The following NELL1 variants were observed in gnomAD, a reference collection of about 807,000 sequenced individuals.
NELL1 encodes the protein protein kinase C-binding protein NELL1.
A neutral mutation model predicts 107.4 loss-of-function variants in NELL1; 76 were observed. The observed-to-expected ratio is 0.71, with a 90% confidence interval of 0.59 to 0.86. The LOEUF (loss-of-function observed/expected upper bound fraction) is 0.86. Ranked by LOEUF, NELL1 falls within the 40% of genes least tolerant of loss-of-function variation. NELL1 has a pLI of 0.00. For synonymous variants in NELL1, 353 were observed against 341.2 expected (o/e 1.03, Z -0.38); for missense variants, 1,024 against 1,005.5 (o/e 1.02, Z -0.25).
intron 14 of NELL1, among the ~76,000 whole-genome samples, chr11:21,269,350 CCT>C (rs67054627): frequency 0.063 from 9,254 of 146,548 alleles, 908 homozygotes; most frequent in African/African-American, 0.21. Flanking sequence ...TTGCCAAATC[CCT>C]CTCTCTCTCT....
intron 14 of NELL1, among the ~76,000 whole-genome samples, chr11:21,300,549 A>G (rs1849470914): frequency 6.6e-6 from 1 of 151,912 alleles, no homozygotes. Flanking sequence ...AGTAGAGGTT[A>G]GGAGGAGGGT....
intron 2 of NELL1, among the ~76,000 whole-genome samples, chr11:20,742,586 G>A (rs1855914857): frequency 1.3e-5 from 2 of 152,186 alleles, no homozygotes; most frequent in African/African-American, 4.8e-5. Context: ...AGGTGAATGA[G>A]AAGCAAAGTC....
At chr11:20,788,398 A>G (rs11025763) in intron 3 of NELL1, among the ~76,000 whole-genome samples, 34,434 of 152,152 alleles carry the variant, frequency 0.23, 4,250 homozygotes, top group African/African-American at 0.3. Context: ...AGACATTCTA[A>G]TGTGTATGGA....
chr11:21,342,312 C>T (rs999853826), intron 14 of NELL1, among the ~76,000 whole-genome samples: 1 of 151,062 alleles, frequency 6.6e-6, no homozygotes, highest in Admixed American at 6.6e-5. Flanking sequence ...AACATGGGTG[C>T]AATAGCATTT....
intron 5 of NELL1, among the ~76,000 whole-genome samples, chr11:20,894,382 C>T (rs1192812897): frequency 6.6e-6 from 1 of 152,120 alleles, no homozygotes; most frequent in Admixed American, 6.5e-5. Flanking sequence ...AGTTGTGTCC[C>T]ACAAAGGCCT....
rs780050517 is a variant in NELL1 at position 20,708,117 on chromosome 11, G to T, written c.184+30057G>T. ...AGACTGCTGTGCTAGTGGTGAGTGA[G>T]GCTGTGTGGGCGTGGGACTCTCTGA... On this transcript the variant is annotated intron_variant, in intron 2 of 19. Transcript: ENST00000357134. 2.7e-4 allele frequency among the ~76,000 whole-genome samples: 41 copies of T among 152,342 alleles called. No homozygotes were observed. In the Middle Eastern group the frequency reaches 0.01, roughly 38 times the overall value.
chr11:21,366,603 G>A (rs1267662935), intron 14 of NELL1, among the ~76,000 whole-genome samples: 7 of 151,912 alleles, frequency 4.6e-5, no homozygotes, highest in Admixed American at 2.0e-4. Context: ...TCTTCCACTT[G>A]AGCAGCATCA....
At chr11:20,998,466 T>C (rs1174034978) in intron 12 of NELL1, among the ~76,000 whole-genome samples, 1 of 152,144 alleles carries the variant, frequency 6.6e-6, no homozygotes, top group Non-Finnish European at 1.5e-5. Context: ...AGTTTACAAT[T>C]TTTTTTTCCA....
intron 9 of NELL1, among the ~76,000 whole-genome samples, chr11:20,929,715 T>C (rs1462467239): frequency 1.3e-5 from 2 of 152,178 alleles, no homozygotes; most frequent in Admixed American, 1.3e-4. Flanking sequence ...CTCACGCTTC[T>C]AATCCCAGCA....
intron 3 of NELL1, among the ~76,000 whole-genome samples, chr11:20,830,428 C>G (rs1376583072): frequency 6.6e-6 from 1 of 150,610 alleles, no homozygotes; most frequent in Non-Finnish European, 1.5e-5. Context: ...CCTCTGCCTC[C>G]TGGGTTCAAG....
intron 15 of NELL1, among the ~76,000 whole-genome samples, chr11:21,380,569 T>A (rs1437117376): frequency 1.3e-5 from 2 of 152,042 alleles, no homozygotes; most frequent in African/African-American, 4.8e-5. Context: ...CTTTCTTGAA[T>A]GACATCTCTG....
At chr11:20,914,674 T>C (rs1850206344) in intron 5 of NELL1, among the ~76,000 whole-genome samples, 1 of 151,960 alleles carries the variant, frequency 6.6e-6, no homozygotes, top group Non-Finnish European at 1.5e-5. Context: ...GAGAAGGGGG[T>C]TCATTCAGAT....
intron 15 of NELL1, among the ~76,000 whole-genome samples, chr11:21,456,098 G>C (rs1381018893): frequency 6.6e-6 from 1 of 151,836 alleles, no homozygotes; most frequent in East Asian, 1.9e-4. Flanking sequence ...TTGCCATGTT[G>C]GCTAGTCTGG....
chr11:21,298,695 G>A (rs1036251540), intron 14 of NELL1, among the ~76,000 whole-genome samples: 1 of 151,976 alleles, frequency 6.6e-6, no homozygotes, highest in African/African-American at 2.4e-5. Context: ...CTTTTCTGCA[G>A]TAGTAGCAGG....
At chr11:21,070,246 A>G (rs918107386) in intron 12 of NELL1, among the ~76,000 whole-genome samples, 4 of 152,164 alleles carry the variant, frequency 2.6e-5, no homozygotes, top group Admixed American at 6.6e-5. Context: ...ACTAGTATCT[A>G]TACATATCTT....
At chr11:21,003,781 A>T (rs970817924) in intron 12 of NELL1, among the ~76,000 whole-genome samples, 2 of 151,682 alleles carry the variant, frequency 1.3e-5, no homozygotes, top group Non-Finnish European at 2.9e-5. Flanking sequence ...CCTTTTTTTA[A>T]TTTTTTTATT....
rs1182587877 is a variant in NELL1 at position 20,783,118 on chromosome 11, A to G, written c.185-562A>G. On this transcript the variant is annotated intron_variant, in intron 2 of 19. Transcript: ENST00000357134. The stretch of plus-strand genomic sequence containing the variant: ...AAAGGCAGAGTTGTCTGGCATTATT[A>G]GTGCTAGTAAATATCTGCTAGGTAC... Among the ~76,000 whole-genome samples the G allele has an allele frequency of 2.6e-5, 4 of 152,196 alleles. No homozygotes were observed. In the East Asian group the frequency reaches 7.7e-4, roughly 29 times the overall value.
chr11:21,473,969 A>T (rs1233824270), intron 15 of NELL1, among the ~76,000 whole-genome samples: 1 of 152,098 alleles, frequency 6.6e-6, no homozygotes, highest in African/African-American at 2.4e-5. Context: ...GAGAAGGAAA[A>T]GTTAATATTT....
At chr11:21,336,649 G>A (rs12364252) in intron 14 of NELL1, among the ~76,000 whole-genome samples, 42,904 of 110,284 alleles carry the variant, frequency 0.39, 7,014 homozygotes, top group East Asian at 0.56. Context: ...TCATATGTGT[G>A]TGTATATATA....
Sources: gnomAD v4.1 joint callset for allele counts (sites outside exome capture counted in the v4.1 genomes callset) on GRCh38, gnomAD v4.1.1 for gene constraint, MANE v1.5 for transcripts, NCBI Gene and HGNC (gene_info 2026-07-23, HGNC 2026-07-21) for gene names.